DLK2: variants seen among roughly 807,000 people sequenced by gnomAD.
DLK2 encodes the protein protein delta homolog 2.
A neutral mutation model predicts 31.3 loss-of-function variants in DLK2; 9 were observed. That is an observed-to-expected ratio of 0.29 (90% CI 0.17 to 0.50). The LOEUF is 0.50. Among genes scored for constraint, DLK2 ranks in the 20% least tolerant of loss-of-function variants. DLK2 has a pLI of 0.98. For missense variants in DLK2, 387 were observed against 526.1 expected (o/e 0.74, Z 2.59); for synonymous variants, 169 against 201.2 (o/e 0.84, Z 1.35).
At position 43,454,878 on chromosome 6, in the gene DLK2, C is replaced by A; in HGVS notation, c.-53G>T. ...ACGGATGGACGGCCGGACGCGTGGA[C>A]ACCTGTGGGACGGCACCGGTTGGGA... On this transcript the variant is annotated splice_region_variant and 5_prime_UTR_variant, in exon 2 of 6. Transcript: ENST00000372488. The A allele has an allele frequency of 3.3e-6, 5 of 1,533,590 alleles. No individual in the cohort carries two copies. Among genetic ancestry groups the A allele is most frequent in the Non-Finnish European group, 4.4e-6 (5 of 1,145,814 alleles). 95.0% of individuals were successfully genotyped at this position (1,533,590 alleles called of 1,614,324 possible).
In DLK2 at chr6:43,453,823, C is replaced by A. The variant is rs748165109; in HGVS notation, c.140+588G>T. Among the ~76,000 whole-genome samples the A allele has an allele frequency of 6.6e-6, 1 of 151,950 alleles. No homozygotes were observed. The highest frequency in any genetic ancestry group is 1.5e-5 in the Non-Finnish European group (1 of 67,958). Reference sequence around the variant, plus strand: ...AAATAAAAATAAAAACAAAAAAGGTCATCAGGACTATCCTCCCACCATGAT... The same window carrying A: ...AAATAAAAATAAAAACAAAAAAGGTAATCAGGACTATCCTCCCACCATGAT... On this transcript the variant is annotated intron_variant, in intron 3 of 5. Coordinates refer to ENST00000372488, the MANE Select transcript of DLK2 (RefSeq NM_023932.4). This position sits in a 1 kb window ranked among gnomAD's most constrained non-coding sequence, Gnocchi z 4.1.
intron 1 of DLK2, 94 bp from the exon 2 acceptor site, chr6:43,454,974 G>A: frequency 6.9e-7 from 1 of 1,455,676 alleles, no homozygotes; most frequent in Non-Finnish European, 9.1e-7. Flanking sequence ...GGAGAGGGGC[G>A]CCGGGACAGA....
At chr6:43,456,087 TATC>T (rs1003547735), upstream of DLK2, 34 of 152,360 alleles carry the variant, frequency 2.2e-4, 1 homozygote, top group African/African-American at 7.0e-4. Context: ...CCTATATAAA[TATC>T]AACCCGATCC....
In DLK2 at chr6:43,451,418, A is replaced by C; in HGVS notation, c.417-144T>G. 1 of 1,108,298 alleles carries C rather than the reference A, an allele frequency of 9.0e-7. No individual in the cohort carries two copies. The highest frequency in any genetic ancestry group is 1.3e-6 in the Non-Finnish European group (1 of 797,916). 68.7% of individuals were successfully genotyped at this position (1,108,298 alleles called of 1,614,324 possible). A position where few individuals can be genotyped will look rare whatever the true frequency, so the allele number is the denominator to read the frequency against. ...AATACCTCATTTTAAAAATGAGAAT[A>C]AAAATAGTACCCAGCTTCCCTAATT... On this transcript the variant is annotated intron_variant, in intron 5 of 5. Coordinates refer to ENST00000372488, the MANE Select transcript of DLK2 (RefSeq NM_023932.4). The surrounding 1 kb of genome is among the most constrained non-coding windows in gnomAD (Gnocchi z 4.4).
chr6:43,451,533 C>T lies in DLK2; in HGVS notation c.417-259G>A, dbSNP rs1431997212. ...TCAGGGTAAGTGTGCTATTATTATC[C>T]TCACAGGCTCCTGGGCCTGATGCAG... On this transcript the variant is annotated intron_variant, in intron 5 of 5. Transcript: ENST00000372488. This position sits in a 1 kb window ranked among gnomAD's most constrained non-coding sequence, Gnocchi z 4.4. 1.3e-5 allele frequency among the ~76,000 whole-genome samples: 2 copies of T among 152,188 alleles called. No individual in the cohort carries two copies. The highest frequency in any genetic ancestry group is 4.8e-5 in the African/African-American group (2 of 41,438).
chr6:43,454,771 C>G lies in DLK2; in HGVS notation c.55G>C (p.Ala19Pro). 1 of 1,553,864 alleles carries G rather than the reference C, an allele frequency of 6.4e-7. No individual in the cohort carries two copies. The change falls in exon 2 of 6, where the codon GCT (alanine) becomes CCT (proline). Residue 19 changes from alanine (A) to proline (P), a missense_variant. By Grantham distance (27) the Ala-to-Pro change is conservative (BLOSUM62 -1). Coordinates refer to ENST00000372488, the MANE Select transcript of DLK2 (RefSeq NM_023932.4). The part of the protein sequence containing the change: ...HLVCLLCILG[A>P]PGQPVRADDC... ...TCACCTCGGACAGGCTGACCGGGAG[C>G]CCCCAGAATGCACAACAGGCACACG...
rs536258157 is a variant in DLK2 at position 43,453,651 on chromosome 6, G to A, written c.141-516C>T. Among the ~76,000 whole-genome samples the A allele has an allele frequency of 5.3e-5, 8 of 152,192 alleles. No individual in the cohort carries two copies. Among genetic ancestry groups the A allele is most frequent in the Admixed American group, 1.3e-4 (2 of 15,280 alleles). Reference sequence around the variant, plus strand: ...CTACAAAAAATACAAAAAATTACCCGGGCATGGTGGTGTGCATCTGTAATC... The same window carrying A: ...CTACAAAAAATACAAAAAATTACCCAGGCATGGTGGTGTGCATCTGTAATC... On this transcript the variant is annotated intron_variant, in intron 3 of 5. Coordinates refer to ENST00000372488, the MANE Select transcript of DLK2 (RefSeq NM_023932.4). This position sits in a 1 kb window ranked among gnomAD's most constrained non-coding sequence, Gnocchi z 4.1.
chr6:43,450,790 C>T lies in DLK2; in HGVS notation c.901G>A (p.Gly301Arg), dbSNP rs35192247. The T allele has an allele frequency of 0.042, 68,242 of 1,614,212 alleles. 1,680 individuals carry two copies. The highest frequency in any genetic ancestry group is 0.047 in the Non-Finnish European group (55,981 of 1,180,020). Residue 301 changes from glycine to arginine, a missense_variant, in exon 6 of 6, where the codon GGG becomes AGG. Physicochemically the swap from Gly to Arg is moderately radical, Grantham distance 125. Coordinates refer to ENST00000372488, the MANE Select transcript of DLK2 (RefSeq NM_023932.4). The surrounding 1 kb of genome is among the most constrained non-coding windows in gnomAD (Gnocchi z 4.5). ...GCCACCAAGCTAGGCTCACCTAGCC[C>T]AGCCTCTTGCCTCCGCACCACCTCC... ...VKEVVRRQEAGLGEPSLVALV... is the reference protein window; with the variant it reads ...VKEVVRRQEARLGEPSLVALV...
chr6:43,454,670 C>T, intron 2 of DLK2, 80 bp downstream of exon 2: 1 of 1,502,898 alleles, frequency 6.7e-7, no homozygotes, highest in Non-Finnish European at 9.0e-7. Flanking sequence ...ACTGCAGTGC[C>T]GCCTCCGGCC....
Position 43,454,879 on chromosome 6 carries a change from A to C in DLK2, c.-54T>G, listed in dbSNP as rs1783912801. ...CGGATGGACGGCCGGACGCGTGGAC[A>C]CCTGTGGGACGGCACCGGTTGGGAG... On this transcript the variant is annotated splice_region_variant and 5_prime_UTR_variant, in exon 2 of 6. Transcript: ENST00000372488. 6.5e-7 allele frequency: 1 copy of C among 1,530,972 alleles called. No individual in the cohort carries two copies. The highest frequency in any genetic ancestry group is 8.7e-7 in the Non-Finnish European group (1 of 1,144,042). The allele number at this position is 1,530,972 out of a possible 1,614,324, so 94.8% of individuals were successfully genotyped here. A position where few individuals can be genotyped will look rare whatever the true frequency, so the allele number is the denominator to read the frequency against.
rs1257055627 is a variant in DLK2 at position 43,452,995 on chromosome 6, T to TC, written c.271+9dup. The stretch of plus-strand genomic sequence containing the variant: ...GTTCCCAACCAAAAGCTACCCTTCC[T>TC]CCCCCCTACCTTTGTCACAGAACTT... On this transcript the variant is annotated intron_variant, in intron 4 of 5. Transcript: ENST00000372488. The TC allele has an allele frequency of 6.2e-6, 10 of 1,613,210 alleles. No homozygotes were observed. The highest frequency in any genetic ancestry group is 8.5e-6 in the Non-Finnish European group (10 of 1,179,644).
In DLK2 at chr6:43,450,494, G is replaced by C; in HGVS notation, c.*45C>G. On this transcript the variant is annotated 3_prime_UTR_variant, in exon 6 of 6. Transcript: ENST00000372488. This position sits in a 1 kb window ranked among gnomAD's most constrained non-coding sequence, Gnocchi z 4.5. The stretch of plus-strand genomic sequence containing the variant: ...GTGAGAACGGACCACTCCAGTCTGA[G>C]GGGTGGAAGAGGTGAGGAAGGGGGC... 1 of 1,519,334 alleles carries C rather than the reference G, an allele frequency of 6.6e-7. No homozygotes were observed. The highest frequency in any genetic ancestry group is 1.3e-5 in the South Asian group (1 of 75,296). The allele number at this position is 1,519,334 out of a possible 1,614,324, so 94.1% of individuals were successfully genotyped here.
At chr6:43,455,279 C>CA (rs1783933260) in intron 1 of DLK2, 116 bp downstream of exon 1, 1 of 136,320 alleles carries the variant, frequency 7.3e-6, no homozygotes, top group Admixed American at 7.2e-5. Context: ...CTCCGACAGC[C>CA]CCCCCCCCCG....
At position 43,455,285 on chromosome 6, in the gene DLK2, C is replaced by G. The variant is rs768386006; in HGVS notation, c.-56+110G>C. 1.3e-3 allele frequency: 200 copies of G among 148,846 alleles called. 6 individuals are homozygous for G. Among genetic ancestry groups the G allele is most frequent in the Middle Eastern group, 3.3e-3 (1 of 300 alleles). 9.2% of individuals were successfully genotyped at this position (148,846 alleles called of 1,614,324 possible). ...GCCCCACAGCTCCGACAGCCCCCCC[C>G]CCCGCCACCACCACTCTCTCCCACG... On this transcript the variant is annotated intron_variant, in intron 1 of 5. Transcript: ENST00000372488.
intron 4 of DLK2, among the ~76,000 whole-genome samples, chr6:43,452,678 C>G (rs536869273): frequency 6.6e-6 from 1 of 152,000 alleles, no homozygotes; most frequent in South Asian, 2.1e-4. Context: ...CACCACTGCA[C>G]TCCAGCCTGG....
chr6:43,454,469 C>G lies in DLK2; in HGVS notation c.82G>C (p.Asp28His). The G allele has an allele frequency of 1.9e-6, 3 of 1,592,464 alleles. No homozygotes were observed. Among genetic ancestry groups the G allele is most frequent in the Non-Finnish European group, 2.6e-6 (3 of 1,170,908 alleles). The change falls in exon 3 of 6, where the codon GAC (aspartate) becomes CAC (histidine). Residue 28 changes from aspartate (D) to histidine (H), a missense_variant. Asp to His is a moderately conservative substitution (Grantham distance 81). Transcript: ENST00000372488. ...GCCAGGTCACAGTGGGAGCTGCAGT[C>G]ATCGGCTGCAAGAGATTGATGTGGG... ...GAPGQPVRAD[D>H]CSSHCDLAHG...
rs1344790259 is a variant in DLK2 at position 43,453,055 on chromosome 6, G to A, written c.221C>T (p.Pro74Leu). ...GCCACTGTGGCAGATGCACTGCCAT[G>A]GCTGGTGGCAGGTACCGTGCTGGCA... ...PGCQHGTCHQ[P>L]WQCICHSGWA... Residue 74 changes from proline (P) to leucine (L), a missense_variant, in exon 4 of 6, where the codon CCA (proline) becomes CTA (leucine). Physicochemically the swap from Pro to Leu is moderately conservative, Grantham distance 98 (BLOSUM62 -3). Coordinates refer to ENST00000372488, the MANE Select transcript of DLK2 (RefSeq NM_023932.4). This position sits in a 1 kb window ranked among gnomAD's most constrained non-coding sequence, Gnocchi z 4.1. 3 of 1,614,154 alleles carry A rather than the reference G, an allele frequency of 1.9e-6. No individual in the cohort carries two copies. The South Asian group carries it at 3.3e-5, about 18-fold the overall frequency.
chr6:43,452,998 C>T lies in DLK2; in HGVS notation c.271+7G>A. On this transcript the variant is annotated splice_region_variant and intron_variant, in intron 4 of 5. Transcript: ENST00000372488. ...CCCAACCAAAAGCTACCCTTCCTCC[C>T]CCCTACCTTTGTCACAGAACTTGCC... 6.2e-7 allele frequency: 1 copy of T among 1,614,082 alleles called. No homozygotes were observed. The highest frequency in any genetic ancestry group is 8.5e-7 in the Non-Finnish European group (1 of 1,179,990).
intron 4 of DLK2, 112 bp from the exon 5 acceptor site, chr6:43,452,196 C>A: frequency 6.8e-7 from 1 of 1,472,980 alleles, no homozygotes. Flanking sequence ...ATACTACAAA[C>A]CCAGCCCAGG....
Sources: gnomAD v4.1 joint callset for allele counts (sites outside exome capture counted in the v4.1 genomes callset) on GRCh38, gnomAD v4.1.1 for gene constraint, Gnocchi (gnomAD v3.1) non-coding constraint, MANE v1.5 for transcripts, NCBI Gene and HGNC (gene_info 2026-07-23, HGNC 2026-07-21) for gene names.